Variants in GRM1 observed in about 807,000 individuals in gnomAD.
GRM1 encodes the protein metabotropic glutamate receptor 1.
A neutral mutation model predicts 90.9 loss-of-function variants in GRM1; 33 were observed. The observed-to-expected ratio is 0.36, with a 90% CI of 0.28 to 0.49. GRM1 has a LOEUF of 0.49. Among genes scored for constraint, GRM1 ranks in the 20% least tolerant of loss-of-function variants. The pLI is 0.99. For missense variants in GRM1, 1,190 were observed against 1,534.3 expected (o/e 0.78, Z 3.75); for synonymous variants, 700 against 613.2 (o/e 1.14, Z -2.09).
At chr6:146,077,737 T>A (rs1331643) in intron 1 of GRM1, among the ~76,000 whole-genome samples, 73,227 of 152,168 alleles carry the variant, frequency 0.48, 18,036 homozygotes, top group Middle Eastern at 0.57. Context: ...TTATTTCTAA[T>A]TTATCTAGCT....
chr6:146,039,001 T>G (rs1790996671), intron 1 of GRM1, among the ~76,000 whole-genome samples: 1 of 152,034 alleles, frequency 6.6e-6, no homozygotes, highest in South Asian at 2.1e-4. Context: ...CAGGTACTAC[T>G]CTACTGGCAG....
Position 146,029,954 on chromosome 6 carries a change from C to T in GRM1, c.437C>T (p.Ser146Phe), listed in dbSNP as rs765319169. 3 of 1,614,056 alleles carry T rather than the reference C, an allele frequency of 1.9e-6. No individual in the cohort carries two copies. The South Asian group carries it at 3.3e-5, about 18-fold the overall frequency. Residue 146 changes from serine to phenylalanine, a missense_variant, in exon 1 of 8, where the codon TCC becomes TTC. Transcript: ENST00000282753. ...GINRCLPDGQ[S>F]LPPGRTKKPI... ...AACCGGTGTCTGCCTGACGGCCAGTCCCTCCCCCCAGGCAGGACTAAGAAG... is the reference window on the plus strand; with the variant it reads ...AACCGGTGTCTGCCTGACGGCCAGTTCCTCCCCCCAGGCAGGACTAAGAAG...
intron 2 of GRM1, among the ~76,000 whole-genome samples, chr6:146,270,912 T>TTCCTTC (rs1782120716): frequency 4.8e-4 from 42 of 86,848 alleles, no homozygotes; most frequent in African/African-American, 2.2e-3. Flanking sequence ...TTTCTTTCTT[T>TTCCTTC]CTTCCTTCCT....
chr6:146,076,074 A>G (rs1227013406), intron 1 of GRM1, among the ~76,000 whole-genome samples: 2 of 152,204 alleles, frequency 1.3e-5, no homozygotes, highest in Non-Finnish European at 2.9e-5. Flanking sequence ...ATAATTAGCA[A>G]TGCAGGTATT....
At chr6:146,173,996 G>A (rs1778242322) in intron 2 of GRM1, among the ~76,000 whole-genome samples, 1 of 151,994 alleles carries the variant, frequency 6.6e-6, no homozygotes, top group Non-Finnish European at 1.5e-5. Flanking sequence ...TTTCAGTTAT[G>A]TTTATGTCAG....
In GRM1 at chr6:146,318,569, G is replaced by A. The variant is rs929501972; in HGVS notation, c.1186+13723G>A. ...GTATTTCTGGTTCTAGGTCCTTGAG[G>A]ACTCACCATACTGTCTTCCACTATG... is the stretch of plus-strand genomic sequence containing the variant. On this transcript the variant is annotated intron_variant, in intron 3 of 7. Coordinates refer to ENST00000282753, the MANE Select transcript of GRM1 (RefSeq NM_001278064.2). Among the ~76,000 whole-genome samples, 3 of 152,106 alleles carry A rather than the reference G, an allele frequency of 2.0e-5. No homozygotes were observed. The East Asian group carries it at 5.8e-4, about 29-fold the overall frequency.
intron 1 of GRM1, among the ~76,000 whole-genome samples, chr6:146,073,432 C>A: frequency 6.6e-6 from 1 of 152,172 alleles, no homozygotes; most frequent in Admixed American, 6.5e-5. Flanking sequence ...AAGACTCTAC[C>A]ACTTGTTTGC....
intron 2 of GRM1, among the ~76,000 whole-genome samples, chr6:146,286,265 A>C (rs1468393484): frequency 1.3e-5 from 2 of 152,184 alleles, no homozygotes; most frequent in Admixed American, 6.5e-5. Flanking sequence ...AAAGCTGTCT[A>C]TTCTAAGAAA....
intron 2 of GRM1, among the ~76,000 whole-genome samples, chr6:146,270,918 TTC>T (rs1562571309): frequency 0.013 from 1,372 of 107,764 alleles, 6 homozygotes; most frequent in Middle Eastern, 0.025. Flanking sequence ...TCTTTCTTCC[TTC>T]CTTCCTTCCT....
At position 146,371,016 on chromosome 6, in the gene GRM1, T is replaced by C. The variant is rs9403778; in HGVS notation, c.1602+13322T>C. On this transcript the variant is annotated intron_variant, in intron 5 of 7. Coordinates refer to ENST00000282753, the MANE Select transcript of GRM1 (RefSeq NM_001278064.2). The stretch of plus-strand genomic sequence containing the variant: ...AGTTCTATGTCTCTTTTATTCCAAT[T>C]GAATTCTTCATTTCCATTTTTTCTT... Among the ~76,000 whole-genome samples, 2,103 of 152,236 alleles carry C rather than the reference T, an allele frequency of 0.014. 76 individuals carry two copies. The East Asian group carries it at 0.15, about 11-fold the overall frequency.
intron 2 of GRM1, among the ~76,000 whole-genome samples, chr6:146,244,174 C>G (rs990789257): frequency 1.4e-4 from 21 of 152,094 alleles, no homozygotes; most frequent in Admixed American, 1.2e-3. Flanking sequence ...TGGTGACATA[C>G]ATCCTCAGCT....
chr6:146,375,549 A>G (rs1776065466), intron 5 of GRM1, among the ~76,000 whole-genome samples: 1 of 151,952 alleles, frequency 6.6e-6, no homozygotes, highest in Non-Finnish European at 1.5e-5. Flanking sequence ...AGCTCTAATA[A>G]TATTTCCTTT....
intron 5 of GRM1, among the ~76,000 whole-genome samples, chr6:146,379,720 G>A (rs1776249246): frequency 6.6e-6 from 1 of 152,062 alleles, no homozygotes; most frequent in African/African-American, 2.4e-5. Flanking sequence ...CATCCTTCTT[G>A]AGAAGGCTTT....
rs149906555 is a variant in GRM1 at position 146,362,033 on chromosome 6, T to A, written c.1602+4339T>A. 1.8e-3 allele frequency among the ~76,000 whole-genome samples: 270 copies of A among 152,286 alleles called. 2 individuals carry two copies. The highest frequency in any genetic ancestry group is 6.3e-3 in the African/African-American group (261 of 41,570). On this transcript the variant is annotated intron_variant, in intron 5 of 7. Coordinates refer to ENST00000282753, the MANE Select transcript of GRM1 (RefSeq NM_001278064.2). ...GAAGTGAGGGAAAGGATACTGAAGATTGATTTCACTGGCCTCCTGTTCTTT... is the reference window on the plus strand; with the variant it reads ...GAAGTGAGGGAAAGGATACTGAAGAATGATTTCACTGGCCTCCTGTTCTTT...
At chr6:146,305,430 G>A (rs535891810) in intron 3 of GRM1, among the ~76,000 whole-genome samples, 2 of 152,172 alleles carry the variant, frequency 1.3e-5, no homozygotes, top group East Asian at 1.9e-4. Context: ...CTTCAGGGGT[G>A]TGGTGAAATC....
intron 1 of GRM1, among the ~76,000 whole-genome samples, chr6:146,039,079 A>G (rs1790999832): frequency 6.6e-6 from 1 of 152,034 alleles, no homozygotes; most frequent in Non-Finnish European, 1.5e-5. Context: ...GGTTTGACCA[A>G]TGCTATAGTC....
At chr6:146,187,191 G>A (rs1306582207) in intron 2 of GRM1, among the ~76,000 whole-genome samples, 1 of 152,082 alleles carries the variant, frequency 6.6e-6, no homozygotes, top group Admixed American at 6.6e-5. Flanking sequence ...GTTTGCACAG[G>A]TAACAACCAA....
chr6:146,141,979 A>G (rs1191929860), intron 1 of GRM1, among the ~76,000 whole-genome samples: 2 of 152,116 alleles, frequency 1.3e-5, no homozygotes, highest in African/African-American at 4.8e-5. Context: ...TTGAAGAGTT[A>G]GATATTATAG....
At chr6:146,433,525 A>AGT (rs72224796) in intron 7 of GRM1, among the ~76,000 whole-genome samples, 6,986 of 148,096 alleles carry the variant, frequency 0.047, 293 homozygotes, top group African/African-American at 0.12. Context: ...GTTTTTCAAA[A>AGT]GTGTGTGTGT....
Sources: allele counts gnomAD v4.1 joint callset (sites outside exome capture counted in the v4.1 genomes callset), GRCh38; gene constraint gnomAD v4.1.1; transcripts MANE v1.5; gene names NCBI Gene and HGNC (gene_info 2026-07-23, HGNC 2026-07-21).